NKAIN2: variants seen among roughly 807,000 people sequenced by gnomAD.
NKAIN2 encodes the protein sodium/potassium transporting ATPase interacting 2, also known as sodium/potassium-transporting ATPase subunit beta-1-interacting protein 2.
A neutral mutation model predicts 32.6 loss-of-function variants in NKAIN2; 14 were observed. The ratio of observed to expected loss-of-function variants is 0.43; its 90% CI spans 0.28 to 0.67. NKAIN2 has a LOEUF of 0.67. Ranked by LOEUF, NKAIN2 falls within the 30% of genes least tolerant of loss-of-function variation. NKAIN2 has a pLI of 0.17. For synonymous variants in NKAIN2, 80 were observed against 87.2 expected, an observed-to-expected ratio of 0.92 and a Z score of 0.46; for missense variants, 198 against 258.3, an observed-to-expected ratio of 0.77 and a Z score of 1.60.
chr6:124,028,913 GTATATATATGTGTATATATATATATA>G (rs1562317548), intron 1 of NKAIN2, among the ~76,000 whole-genome samples: 1 of 13,820 alleles, frequency 7.2e-5, no homozygotes, highest in Non-Finnish European at 1.2e-4. Context: ...ACACATATAT[GTATATATATGTGTATATATATATATA>G]TAGTTTTCAA....
chr6:123,823,311 A>G (rs9490950), intron 1 of NKAIN2: 134,354 of 152,194 alleles, frequency 0.88, 59,576 homozygotes, highest in East Asian at 1. Context: ...AGTGAAAATA[A>G]TGGATACAAA....
In NKAIN2 at chr6:124,204,435, CA is replaced by C. The variant is rs555934354; in HGVS notation, c.55-78563del. On this transcript the variant is annotated intron_variant, in intron 1 of 6. Transcript: ENST00000368417. ...TGACTCACTTTAAAAGCATAACTGA[CA>C]AAAAAATATGAAAAAATAAATGAGA... Among the ~76,000 whole-genome samples, 200 of 151,436 alleles carry C rather than the reference CA, an allele frequency of 1.3e-3. 3 individuals carry two copies. The highest frequency in any genetic ancestry group is 5.2e-3 in the East Asian group (27 of 5,156).
intron 4 of NKAIN2, among the ~76,000 whole-genome samples, chr6:124,790,194 G>A (rs1404412268): frequency 6.6e-6 from 1 of 152,060 alleles, no homozygotes; most frequent in African/African-American, 2.4e-5. Context: ...CTTTTCACCA[G>A]AGGCCACTTT....
intron 1 of NKAIN2, among the ~76,000 whole-genome samples, chr6:123,809,441 G>A (rs2781118): frequency 1 from 151,543 of 152,218 alleles, 75,438 homozygotes; most frequent in East Asian, 1. Context: ...ATTCCCAAGA[G>A]ATTAAAGCAC....
chr6:124,503,061 T>C (rs1320299291), intron 3 of NKAIN2, among the ~76,000 whole-genome samples: 1 of 152,198 alleles, frequency 6.6e-6, no homozygotes, highest in Non-Finnish European at 1.5e-5. Context: ...CTTTATGATG[T>C]TTAATCTTTG....
At chr6:124,415,171 AT>A in intron 3 of NKAIN2, among the ~76,000 whole-genome samples, 1 of 152,234 alleles carries the variant, frequency 6.6e-6, no homozygotes. Context: ...GATTCCACAG[AT>A]TTAGGTCTCA....
intron 1 of NKAIN2, among the ~76,000 whole-genome samples, chr6:124,165,668 C>A (rs919065217): frequency 7.7e-6 from 1 of 129,428 alleles, no homozygotes; most frequent in African/African-American, 2.9e-5. Context: ...CCTCCCCCCT[C>A]CCCCTACCCC....
intron 1 of NKAIN2, among the ~76,000 whole-genome samples, chr6:124,138,673 ATG>A (rs1048014212): frequency 2.1e-5 from 3 of 143,230 alleles, no homozygotes; most frequent in African/African-American, 8.1e-5. Context: ...ATTATTAATT[ATG>A]TTATATAAGT....
At chr6:124,199,021 T>C (rs1790472331) in intron 1 of NKAIN2, among the ~76,000 whole-genome samples, 1 of 152,180 alleles carries the variant, frequency 6.6e-6, no homozygotes, top group South Asian at 2.1e-4. Flanking sequence ...TTTTTGAACT[T>C]ACAAATATAT....
chr6:124,169,863 A>G (rs1483290004), intron 1 of NKAIN2, among the ~76,000 whole-genome samples: 1 of 152,122 alleles, frequency 6.6e-6, no homozygotes, highest in Non-Finnish European at 1.5e-5. Context: ...AATCGCAGAG[A>G]AAGAGCCTCT....
chr6:124,014,016 C>A (rs1016194809), intron 1 of NKAIN2, among the ~76,000 whole-genome samples: 1 of 152,116 alleles, frequency 6.6e-6, no homozygotes, highest in Admixed American at 6.5e-5. Context: ...GGATAATAAA[C>A]TTATGTTCTT....
intron 4 of NKAIN2, among the ~76,000 whole-genome samples, chr6:124,706,049 AATG>A (rs1417980046): frequency 6.6e-6 from 1 of 152,082 alleles, no homozygotes; most frequent in Non-Finnish European, 1.5e-5. Flanking sequence ...TGATGATCAC[AATG>A]ATAATGATTG....
At chr6:123,859,983 G>C (rs1431767532) in intron 1 of NKAIN2, among the ~76,000 whole-genome samples, 1 of 152,096 alleles carries the variant, frequency 6.6e-6, no homozygotes. Context: ...AAGCCACCCC[G>C]CCTGGCCCTG....
At chr6:124,091,659 T>C (rs915654115) in intron 1 of NKAIN2, among the ~76,000 whole-genome samples, 15 of 151,640 alleles carry the variant, frequency 9.9e-5, no homozygotes, top group Non-Finnish European at 2.1e-4. Flanking sequence ...GGTCAAAGCA[T>C]TATTTTTTTT....
intron 1 of NKAIN2, among the ~76,000 whole-genome samples, chr6:123,936,366 A>T (rs1176308369): frequency 6.6e-6 from 1 of 152,046 alleles, no homozygotes; most frequent in Admixed American, 6.6e-5. Context: ...AACATTAATT[A>T]CTCCTATTAT....
chr6:124,287,864 G>C (rs946770565), intron 2 of NKAIN2, among the ~76,000 whole-genome samples: 5 of 152,036 alleles, frequency 3.3e-5, no homozygotes, highest in Admixed American at 3.3e-4. Context: ...GGAATATGTA[G>C]GTTCCTATCC....
intron 1 of NKAIN2, among the ~76,000 whole-genome samples, chr6:124,050,305 A>T (rs1399297502): frequency 6.6e-6 from 1 of 152,074 alleles, no homozygotes. Flanking sequence ...CAATAAGGGC[A>T]TTTCACTTAG....
intron 1 of NKAIN2, among the ~76,000 whole-genome samples, chr6:123,931,830 GC>G (rs879470176): frequency 6.6e-6 from 1 of 151,658 alleles, no homozygotes; most frequent in Non-Finnish European, 1.5e-5. Flanking sequence ...ACTTCACTCT[GC>G]CCAACCAATG....
chr6:124,716,629 A>G (rs1775769270), intron 4 of NKAIN2, among the ~76,000 whole-genome samples: 1 of 152,080 alleles, frequency 6.6e-6, no homozygotes, highest in Admixed American at 6.5e-5. Flanking sequence ...TTATCCCTCT[A>G]ACCACTTTTT....
Sources: allele counts gnomAD v4.1 joint callset (sites outside exome capture counted in the v4.1 genomes callset), GRCh38; gene constraint gnomAD v4.1.1; transcripts MANE v1.5; gene names NCBI Gene and HGNC (gene_info 2026-07-23, HGNC 2026-07-21).